Variants in UNC5A observed in about 807,000 individuals in gnomAD.
UNC5A encodes the protein netrin receptor UNC5A.
A neutral mutation model predicts 87.4 loss-of-function variants in UNC5A; 20 were observed. The observed-to-expected ratio is 0.23, with a 90% CI of 0.16 to 0.33. The LOEUF is 0.33. UNC5A is among the 10% of genes least tolerant of loss of function. The pLI, the probability that UNC5A is intolerant of heterozygous loss-of-function variation, is 1.00. For synonymous variants in UNC5A, 438 were observed against 482.3 expected, an observed-to-expected ratio of 0.91 and a Z score of 1.20; for missense variants, 844 against 1,133.4, an observed-to-expected ratio of 0.74 and a Z score of 3.67.
intron 6 of UNC5A, 66 bp downstream of exon 6, chr5:176,870,600 G>T: frequency 7.4e-6 from 11 of 1,496,594 alleles, no homozygotes; most frequent in Non-Finnish European, 9.8e-6. Flanking sequence ...GCCCTGGGGA[G>T]GTGGGGGCTG....
chr5:176,821,501 A>G (rs1756727186), intron 1 of UNC5A, among the ~76,000 whole-genome samples: 1 of 152,184 alleles, frequency 6.6e-6, no homozygotes, highest in Non-Finnish European at 1.5e-5. Context: ...CCCAAATGCC[A>G]GGACGCCTTG....
intron 1 of UNC5A, among the ~76,000 whole-genome samples, chr5:176,851,797 CTG>C (rs1316218834): frequency 2.0e-5 from 3 of 152,210 alleles, no homozygotes; most frequent in Non-Finnish European, 4.4e-5. Flanking sequence ...TGAGGGGCAA[CTG>C]TGGAACAGGT....
At position 176,874,544 on chromosome 5, in the gene UNC5A, C is replaced by T. The variant is rs974075385; in HGVS notation, c.1356C>T (p.Gly452=). 1.9e-6 allele frequency: 3 copies of T among 1,571,702 alleles called. No homozygotes were observed. Among genetic ancestry groups the T allele is most frequent in the Non-Finnish European group, 8.7e-7 (1 of 1,155,390 alleles). The change falls in exon 8 of 15, where the codon GGC becomes GGT. Residue 452 remains glycine (G), a synonymous_variant. Coordinates refer to ENST00000329542, the MANE Select transcript of UNC5A (RefSeq NM_133369.3). The surrounding 1 kb of genome is among the most constrained non-coding windows in gnomAD (Gnocchi z 7.6). Reference sequence around the variant, plus strand: ...ATGGGACCTTCAACTTCCTCGGGGGCCGGCTGATGATCCCTAATACAGGTA... The same window carrying T: ...ATGGGACCTTCAACTTCCTCGGGGGTCGGCTGATGATCCCTAATACAGGTA... ...MTYGTFNFLG[G]RLMIPNTGIS... is the part of the protein sequence containing the mutation.
At chr5:176,835,034 G>A (rs1278921154) in intron 1 of UNC5A, among the ~76,000 whole-genome samples, 1 of 152,242 alleles carries the variant, frequency 6.6e-6, no homozygotes. Context: ...GCAGCCACAA[G>A]CTCCATGAAA....
chr5:176,865,398 GCA>G lies in UNC5A; in HGVS notation c.292+2561_292+2562del. On this transcript the variant is annotated intron_variant, in intron 2 of 14. Coordinates refer to ENST00000329542, the MANE Select transcript of UNC5A (RefSeq NM_133369.3). This position sits in a 1 kb window ranked among gnomAD's most constrained non-coding sequence, Gnocchi z 5.3. ...AATGAGCAGTCGCAGGCCCGGGCCG[GCA>G]CACACACCGGGAGCCCCTGGCCCAC... 1 of 353,040 alleles carries G rather than the reference GCA, an allele frequency of 2.8e-6. No individual in the cohort carries two copies. Among genetic ancestry groups the G allele is most frequent in the Non-Finnish European group, 5.6e-6 (1 of 178,640 alleles). The allele number at this position is 353,040 out of a possible 1,614,324, so 21.9% of individuals were successfully genotyped here.
At chr5:176,825,435 C>T (rs1489657010) in intron 1 of UNC5A, among the ~76,000 whole-genome samples, 1 of 152,118 alleles carries the variant, frequency 6.6e-6, no homozygotes, top group Non-Finnish European at 1.5e-5. Context: ...GGAGAGCGGC[C>T]GGAGGACGCT....
At chr5:176,853,446 C>T (rs1757593464) in intron 1 of UNC5A, among the ~76,000 whole-genome samples, 1 of 152,210 alleles carries the variant, frequency 6.6e-6, no homozygotes, top group South Asian at 2.1e-4. Context: ...GTGGTTCAGC[C>T]TGTCTGCATG....
chr5:176,845,979 T>C (rs1205491989), intron 1 of UNC5A, among the ~76,000 whole-genome samples: 1 of 152,224 alleles, frequency 6.6e-6, no homozygotes, highest in Non-Finnish European at 1.5e-5. Context: ...GACAGTGGCC[T>C]GTGGCATCTG....
rs929290635 is a variant in UNC5A at position 176,875,639 on chromosome 5, C to T, written c.1378+1073C>T. On this transcript the variant is annotated intron_variant, in intron 8 of 14. Transcript: ENST00000329542. The surrounding 1 kb of genome is among the most constrained non-coding windows in gnomAD (Gnocchi z 5.2). ...GAGTTGATCATGACCCTCTCGTGCT[C>T]GAATCCCTTCTGGGCTCCCCTCTGC... is the stretch of plus-strand genomic sequence containing the variant. 6.6e-6 allele frequency among the ~76,000 whole-genome samples: 1 copy of T among 152,190 alleles called. No homozygotes were observed. The highest frequency in any genetic ancestry group is 2.4e-5 in the African/African-American group (1 of 41,430).
intron 1 of UNC5A, among the ~76,000 whole-genome samples, chr5:176,832,056 C>G (rs1318122605): frequency 2.6e-5 from 4 of 152,016 alleles, no homozygotes; most frequent in African/African-American, 9.7e-5. Flanking sequence ...GCAACCACGC[C>G]TGGCTAATTT....
At chr5:176,854,916 C>T (rs1757630089) in intron 1 of UNC5A, among the ~76,000 whole-genome samples, 1 of 152,216 alleles carries the variant, frequency 6.6e-6, no homozygotes, top group African/African-American at 2.4e-5. Flanking sequence ...GGGGTCAGGG[C>T]AGGCTTCCTG....
intron 1 of UNC5A, among the ~76,000 whole-genome samples, chr5:176,822,478 G>A (rs1026686374): frequency 2.0e-5 from 3 of 152,238 alleles, no homozygotes; most frequent in Non-Finnish European, 4.4e-5. Flanking sequence ...ATTCATGAGG[G>A]GGCCTGAGAA....
rs932749654 is a variant in UNC5A at position 176,824,565 on chromosome 5, A to G, written c.70+13745A>G. On this transcript the variant is annotated intron_variant, in intron 1 of 14. Coordinates refer to ENST00000329542, the MANE Select transcript of UNC5A (RefSeq NM_133369.3). This position sits in a 1 kb window ranked among gnomAD's most constrained non-coding sequence, Gnocchi z 4.2. ...GGCAGATAGAACATTCTAAAAAAAA[A>G]AGAGAGAAAGAGAGAGAATTCACAT... Among the ~76,000 whole-genome samples the G allele has an allele frequency of 3.9e-5, 6 of 152,102 alleles. No homozygotes were observed. The highest frequency in any genetic ancestry group is 1.2e-4 in the African/African-American group (5 of 41,404).
intron 1 of UNC5A, among the ~76,000 whole-genome samples, chr5:176,849,920 T>C (rs374541765): frequency 6.6e-4 from 101 of 152,318 alleles, no homozygotes; most frequent in African/African-American, 2.4e-3. Context: ...ACATTTCAAC[T>C]CTGCCACCAT....
At chr5:176,825,650 G>A (rs1242987537) in intron 1 of UNC5A, among the ~76,000 whole-genome samples, 3 of 152,188 alleles carry the variant, frequency 2.0e-5, no homozygotes, top group African/African-American at 4.8e-5. Context: ...GTACTTGCAC[G>A]AAAGCTCTCG....
At chr5:176,819,041 A>G (rs1483257076) in intron 1 of UNC5A, among the ~76,000 whole-genome samples, 7 of 152,284 alleles carry the variant, frequency 4.6e-5, no homozygotes, top group Non-Finnish European at 8.8e-5. Flanking sequence ...AAGCTCCCCA[A>G]ATGGTTCTGG....
chr5:176,877,906 C>G lies in UNC5A; in HGVS notation c.1648C>G (p.Leu550Val). 1 of 1,601,652 alleles carries G rather than the reference C, an allele frequency of 6.2e-7. No homozygotes were observed. The highest frequency in any genetic ancestry group is 1.1e-5 in the South Asian group (1 of 90,844). ...CEGSWEDVLH[L>V]GEEAPSHLYY... ...CCCCTGCCCACAGGATGTGCTGCAC[C>G]TGGGCGAGGAGGCGCCCTCCCACCT... Residue 550 changes from leucine to valine, a missense_variant, in exon 11 of 15, where the codon CTG becomes GTG. Leu to Val is a conservative substitution (Grantham distance 32, BLOSUM62 1). Coordinates refer to ENST00000329542, the MANE Select transcript of UNC5A (RefSeq NM_133369.3).
chr5:176,820,373 G>T (rs1020030972), intron 1 of UNC5A, among the ~76,000 whole-genome samples: 1 of 151,964 alleles, frequency 6.6e-6, no homozygotes, highest in Non-Finnish European at 1.5e-5. Context: ...CTCCAGCCTG[G>T]GTGAGAGAGT....
Position 176,824,192 on chromosome 5 carries a change from G to T in UNC5A, c.70+13372G>T, listed in dbSNP as rs1276706301. The stretch of plus-strand genomic sequence containing the variant: ...AGCAATGATGCAGGTTCCGACACTG[G>T]CCCAGGACTATTTCCCCCATGTGTG... On this transcript the variant is annotated intron_variant, in intron 1 of 14. Coordinates refer to ENST00000329542, the MANE Select transcript of UNC5A (RefSeq NM_133369.3). This position sits in a 1 kb window ranked among gnomAD's most constrained non-coding sequence, Gnocchi z 4.2. 6.6e-6 allele frequency among the ~76,000 whole-genome samples: 1 copy of T among 152,232 alleles called. No homozygotes were observed. The highest frequency in any genetic ancestry group is 2.4e-5 in the African/African-American group (1 of 41,458).
Sources: allele counts gnomAD v4.1 joint callset (sites outside exome capture counted in the v4.1 genomes callset), GRCh38; gene constraint gnomAD v4.1.1; non-coding constraint Gnocchi (gnomAD v3.1); transcripts MANE v1.5; gene names NCBI Gene and HGNC (gene_info 2026-07-23, HGNC 2026-07-21).